BCL2: variants seen among roughly 807,000 people sequenced by gnomAD.
The protein encoded by BCL2 is apoptosis regulator Bcl-2.
BCL2 carries 1 observed loss-of-function variant against 14.2 expected under a neutral mutation model. That is an observed-to-expected ratio of 0.07 (90% CI 0.02 to 0.33). The LOEUF is 0.33. Among genes scored for constraint, BCL2 ranks in the 10% least tolerant of loss-of-function variants. The probability of loss-of-function intolerance (pLI) is 0.99; values close to 1 mark genes in which losing one functional copy is unlikely to be tolerated. For synonymous variants in BCL2, 151 were observed against 137.2 expected, an observed-to-expected ratio of 1.10 and a Z score of -0.70; for missense variants, 247 against 305.9, an observed-to-expected ratio of 0.81 and a Z score of 1.44.
intron 2 of BCL2, among the ~76,000 whole-genome samples, chr18:63,305,535 C>G (rs1707576035): frequency 6.6e-6 from 1 of 152,026 alleles, no homozygotes; most frequent in African/African-American, 2.4e-5. Context: ...TTGTGAAGAT[C>G]AAATGGGCCA....
At chr18:63,139,660 G>A (rs1186431085) in intron 2 of BCL2, among the ~76,000 whole-genome samples, 1 of 152,210 alleles carries the variant, frequency 6.6e-6, no homozygotes, top group African/African-American at 2.4e-5. Flanking sequence ...AGGCCCTAAA[G>A]AAAGGGCCTA....
At chr18:63,226,916 T>TA (rs1910564661) in intron 2 of BCL2, among the ~76,000 whole-genome samples, 1 of 152,000 alleles carries the variant, frequency 6.6e-6, no homozygotes, top group Non-Finnish European at 1.5e-5. Context: ...AGGACTCAGA[T>TA]AGATAAATAG....
chr18:63,320,073 AGCGGCGGGCGGGAGC>A (rs1259677252), upstream of BCL2: 9 of 144,718 alleles, frequency 6.2e-5, no homozygotes, highest in Non-Finnish European at 7.7e-5. Flanking sequence ...GGCCACGGAG[AGCGGCGGGCGGGAGC>A]GCGGCGGGCG....
chr18:63,308,461 G>C (rs1342969275), intron 2 of BCL2, among the ~76,000 whole-genome samples: 1 of 152,166 alleles, frequency 6.6e-6, no homozygotes, highest in African/African-American at 2.4e-5. Context: ...GGTTAGGCTT[G>C]AGATGTGAAA....
chr18:63,196,672 C>T (rs985381965), intron 2 of BCL2, among the ~76,000 whole-genome samples: 3 of 151,978 alleles, frequency 2.0e-5, no homozygotes, highest in South Asian at 2.1e-4. Flanking sequence ...AAGAAAGAAC[C>T]GTGCGGCCCT....
chr18:63,294,499 T>A (rs1050039688), intron 2 of BCL2, among the ~76,000 whole-genome samples: 3 of 151,942 alleles, frequency 2.0e-5, no homozygotes, highest in African/African-American at 7.3e-5. Context: ...TGAAACCCTG[T>A]CTCTACTAAA....
At chr18:63,193,156 A>T (rs17070827) in intron 2 of BCL2, among the ~76,000 whole-genome samples, 5,896 of 152,314 alleles carry the variant, frequency 0.039, 185 homozygotes, top group African/African-American at 0.09. Flanking sequence ...TCCATGGAAG[A>T]TGCCTGTTAT....
upstream of BCL2, chr18:63,319,800 A>AT (rs1414564658): frequency 2.1e-5 from 4 of 191,772 alleles, no homozygotes; most frequent in Non-Finnish European, 3.3e-5. Context: ...GGAGGGTTTT[A>AT]TTTTTTCCCT....
chr18:63,177,162 C>T (rs1790768494), intron 2 of BCL2, among the ~76,000 whole-genome samples: 1 of 151,934 alleles, frequency 6.6e-6, no homozygotes, highest in African/African-American at 2.4e-5. Context: ...AGTAATTCAC[C>T]CGCTTCCATA....
chr18:63,239,913 A>G (rs150639461), intron 2 of BCL2, among the ~76,000 whole-genome samples: 1 of 152,288 alleles, frequency 6.6e-6, no homozygotes, highest in African/African-American at 2.4e-5. Flanking sequence ...ACTCGCATGC[A>G]TTGTGGAGAA....
chr18:63,237,388 C>T (rs532432632), intron 2 of BCL2, among the ~76,000 whole-genome samples: 8 of 152,278 alleles, frequency 5.3e-5, no homozygotes, highest in South Asian at 4.1e-4. Context: ...AGGGAGGTTC[C>T]GGAATCTCCT....
chr18:63,273,239 C>G (rs1362050093), intron 2 of BCL2, among the ~76,000 whole-genome samples: 1 of 152,210 alleles, frequency 6.6e-6, no homozygotes, highest in East Asian at 1.9e-4. Flanking sequence ...AACCAATCAA[C>G]CAATACACAT....
chr18:63,150,346 A>G (rs1914623729), intron 2 of BCL2, among the ~76,000 whole-genome samples: 1 of 152,238 alleles, frequency 6.6e-6, no homozygotes, highest in African/African-American at 2.4e-5. Flanking sequence ...AAGAGTGGAC[A>G]CCAGTGAATG....
At chr18:63,152,383 G>C (rs1914671146) in intron 2 of BCL2, among the ~76,000 whole-genome samples, 1 of 152,038 alleles carries the variant, frequency 6.6e-6, no homozygotes, top group Admixed American at 6.6e-5. Flanking sequence ...CCAATTCTAG[G>C]TATTTGAAAT....
chr18:63,264,617 G>A (rs990300145), intron 2 of BCL2, among the ~76,000 whole-genome samples: 2 of 152,178 alleles, frequency 1.3e-5, no homozygotes, highest in Non-Finnish European at 2.9e-5. Context: ...CAGCTTGCAT[G>A]ATATTAAATA....
intron 2 of BCL2, among the ~76,000 whole-genome samples, chr18:63,202,287 C>T (rs1313825600): frequency 1.3e-5 from 2 of 152,004 alleles, no homozygotes; most frequent in South Asian, 2.1e-4. Flanking sequence ...CCAGCCTGGG[C>T]GACAGAGCAA....
chr18:63,209,162 C>T (rs1909926572), intron 2 of BCL2, among the ~76,000 whole-genome samples: 1 of 152,192 alleles, frequency 6.6e-6, no homozygotes, highest in South Asian at 2.1e-4. Flanking sequence ...GGTCCTTCGT[C>T]AAGGAGACCC....
chr18:63,181,983 C>T (rs4941187), intron 2 of BCL2, among the ~76,000 whole-genome samples: 89,168 of 152,004 alleles, frequency 0.59, 28,188 homozygotes, highest in Non-Finnish European at 0.72. Flanking sequence ...CTGGGGGGCA[C>T]CTCCTTACTT....
At chr18:63,172,615 A>C (rs918124463) in intron 2 of BCL2, among the ~76,000 whole-genome samples, 20 of 152,138 alleles carry the variant, frequency 1.3e-4, no homozygotes, top group African/African-American at 4.8e-4. Context: ...CCCTGTCTCT[A>C]CTAAAAATAT....
Sources: gnomAD v4.1 joint callset for allele counts (sites outside exome capture counted in the v4.1 genomes callset) on GRCh38, gnomAD v4.1.1 for gene constraint, MANE v1.5 for transcripts, NCBI Gene and HGNC (gene_info 2026-07-23, HGNC 2026-07-21) for gene names.